Variants in GOLM1 observed in about 807,000 individuals in gnomAD.
The protein encoded by GOLM1 is golgi membrane protein 1, also known as epididymis luminal protein 46.
In GOLM1, 31 loss-of-function variants were observed where a neutral mutation model predicts 50.5. That is an observed-to-expected ratio of 0.61 (90% CI 0.46 to 0.83). The LOEUF is 0.83. Among genes scored for constraint, GOLM1 ranks in the 40% least tolerant of loss-of-function variants. GOLM1 has a pLI of 0.00. For synonymous variants in GOLM1, 178 were observed against 192.8 expected, an observed-to-expected ratio of 0.92 and a Z score of 0.64; for missense variants, 491 against 501.3, an observed-to-expected ratio of 0.98 and a Z score of 0.20.
chr9:86,095,598 G>A (rs1424799277), intron 1 of GOLM1, among the ~76,000 whole-genome samples: 3 of 152,094 alleles, frequency 2.0e-5, no homozygotes, highest in Non-Finnish European at 4.4e-5. Flanking sequence ...AATATTTCAT[G>A]ACAGAGTGCT....
At chr9:86,087,357 G>A (rs1835009381) in intron 1 of GOLM1, among the ~76,000 whole-genome samples, 1 of 152,154 alleles carries the variant, frequency 6.6e-6, no homozygotes, top group South Asian at 2.1e-4. Context: ...TGAGACGATG[G>A]GGTTTTCTAA....
Position 86,040,894 on chromosome 9 carries a change from G to A in GOLM1, c.468-26C>T, listed in dbSNP as rs748531567. 32 of 1,610,626 alleles carry A rather than the reference G, an allele frequency of 2.0e-5. No homozygotes were observed. In the South Asian group the frequency reaches 3.4e-4, roughly 17 times the overall value. On this transcript the variant is annotated intron_variant, in intron 5 of 9. Coordinates refer to ENST00000388712, the MANE Select transcript of GOLM1 (RefSeq NM_016548.4). ...CTTTGGTGAAAGAAAGCAAAGGAAG[G>A]GCCTGACGTCTATGACTGTGTCTCT...
chr9:86,099,121 T>C (rs1835447414), intron 1 of GOLM1, among the ~76,000 whole-genome samples: 1 of 152,150 alleles, frequency 6.6e-6, no homozygotes. Flanking sequence ...CGCCTGAGAC[T>C]GCAGGGCAGG....
intron 6 of GOLM1, among the ~76,000 whole-genome samples, chr9:86,038,378 C>A (rs746984189): frequency 5.3e-5 from 8 of 152,056 alleles, no homozygotes; most frequent in Non-Finnish European, 1.2e-4. Context: ...TTAACCAGGC[C>A]GGCCCTCACG....
At chr9:86,074,907 T>C (rs1563964241) in intron 3 of GOLM1, among the ~76,000 whole-genome samples, 1 of 151,992 alleles carries the variant, frequency 6.6e-6, no homozygotes, top group Admixed American at 6.6e-5. Flanking sequence ...TGGTTTCAAT[T>C]TGGGAGGAAA....
rs1002687465 is a variant in GOLM1, at chr9:86,041,121, A to G, written c.468-253T>C. 2.0e-5 allele frequency among the ~76,000 whole-genome samples: 3 copies of G among 152,164 alleles called. No homozygotes were observed. In the South Asian group the frequency reaches 6.2e-4, roughly 32 times the overall value. The stretch of plus-strand genomic sequence containing the variant: ...ATTAGGCAGAAAATTTTTTTTTAAC[A>G]TACAATCTGTAGAATAATAAAAAAA... On this transcript the variant is annotated intron_variant, in intron 5 of 9. Coordinates refer to ENST00000388712, the MANE Select transcript of GOLM1 (RefSeq NM_016548.4).
chr9:86,050,488 G>C (rs1478051398), intron 4 of GOLM1, among the ~76,000 whole-genome samples: 1 of 152,092 alleles, frequency 6.6e-6, no homozygotes, highest in East Asian at 1.9e-4. Context: ...GAATTGCCTG[G>C]TCCTGGACTT....
chr9:86,091,115 A>T (rs1835171631), intron 1 of GOLM1, among the ~76,000 whole-genome samples: 1 of 152,036 alleles, frequency 6.6e-6, no homozygotes, highest in South Asian at 2.1e-4. Flanking sequence ...CAGTGAGATG[A>T]GCCAGGTACC....
At chr9:86,080,347 C>T (rs1011940089) in intron 1 of GOLM1, among the ~76,000 whole-genome samples, 2 of 152,168 alleles carry the variant, frequency 1.3e-5, no homozygotes, top group Non-Finnish European at 2.9e-5. Flanking sequence ...GTAGACTTTT[C>T]CAAATGGCTT....
intron 3 of GOLM1, among the ~76,000 whole-genome samples, chr9:86,075,819 A>C (rs1443304766): frequency 6.6e-6 from 1 of 152,138 alleles, no homozygotes; most frequent in Non-Finnish European, 1.5e-5. Flanking sequence ...AGGGGATTTC[A>C]GGAGCACAAA....
At chr9:86,043,798 T>C (rs942804317) in intron 5 of GOLM1, among the ~76,000 whole-genome samples, 5 of 152,134 alleles carry the variant, frequency 3.3e-5, no homozygotes, top group Non-Finnish European at 7.3e-5. Flanking sequence ...GGCCCAAGCT[T>C]TCCTACATGG....
intron 2 of GOLM1, 30 bp from the exon 3 acceptor site, chr9:86,077,621 T>C: frequency 6.3e-7 from 1 of 1,575,518 alleles, no homozygotes; most frequent in East Asian, 2.2e-5. Context: ...TTAGGGCTGA[T>C]GCCAAGTTAC....
chr9:86,075,627 C>A (rs992400524), intron 3 of GOLM1, among the ~76,000 whole-genome samples: 1 of 152,172 alleles, frequency 6.6e-6, no homozygotes, highest in Non-Finnish European at 1.5e-5. Context: ...CTCCTACCAC[C>A]AAACCACAGC....
At chr9:86,030,656 C>T (rs574665811) in intron 9 of GOLM1, among the ~76,000 whole-genome samples, 2 of 152,144 alleles carry the variant, frequency 1.3e-5, no homozygotes, top group South Asian at 4.2e-4. Context: ...TAATCCTGAA[C>T]CCAGAAAAAA....
chr9:86,048,838 T>C (rs978458533), intron 4 of GOLM1, among the ~76,000 whole-genome samples: 10 of 152,234 alleles, frequency 6.6e-5, no homozygotes, highest in Non-Finnish European at 1.5e-4. Flanking sequence ...CTGTTCACTC[T>C]GATGGTAGTT....
chr9:86,044,323 C>T (rs996704747), intron 5 of GOLM1, among the ~76,000 whole-genome samples: 5 of 152,166 alleles, frequency 3.3e-5, no homozygotes, highest in East Asian at 1.9e-4. Flanking sequence ...TCTACAGAGA[C>T]GTGTACTTGG....
At chr9:86,086,386 C>T (rs1453585248) in intron 1 of GOLM1, among the ~76,000 whole-genome samples, 1 of 151,996 alleles carries the variant, frequency 6.6e-6, no homozygotes, top group East Asian at 1.9e-4. Context: ...GGACAGATTA[C>T]AAAAGTTTTC....
At chr9:86,036,730 G>A (rs1042262002) in intron 6 of GOLM1, 2 of 550,978 alleles carry the variant, frequency 3.6e-6, no homozygotes, top group Non-Finnish European at 3.2e-6. Flanking sequence ...TGTCAATACA[G>A]AATAAAACTG....
At chr9:86,094,993 G>T (rs1166930273) in intron 1 of GOLM1, among the ~76,000 whole-genome samples, 2 of 150,560 alleles carry the variant, frequency 1.3e-5, no homozygotes, top group African/African-American at 4.9e-5. Flanking sequence ...TGACGCAGGA[G>T]AATCACTAGA....
Sources: allele counts gnomAD v4.1 joint callset (sites outside exome capture counted in the v4.1 genomes callset), GRCh38; gene constraint gnomAD v4.1.1; transcripts MANE v1.5; gene names NCBI Gene and HGNC (gene_info 2026-07-23, HGNC 2026-07-21).